Variants in FAM13A observed in about 807,000 individuals in gnomAD.
The protein encoded by FAM13A is protein FAM13A.
Under a neutral mutation model 129.6 loss-of-function variants are expected in FAM13A, and 76 were observed. That is an observed-to-expected ratio of 0.59 (90% CI 0.49 to 0.71). The LOEUF (loss-of-function observed/expected upper bound fraction) is 0.71, where lower values mean the gene tolerates loss of function less well. FAM13A is among the 30% of genes least tolerant of loss of function. The pLI is 0.00. For missense variants in FAM13A, 1,108 were observed against 1,249.3 expected, an observed-to-expected ratio of 0.89 and a Z score of 1.70; for synonymous variants, 443 against 449.9, an observed-to-expected ratio of 0.98 and a Z score of 0.20.
intron 2 of FAM13A, among the ~76,000 whole-genome samples, chr4:89,026,671 T>C (rs1768009316): frequency 1.3e-5 from 2 of 152,226 alleles, no homozygotes; most frequent in South Asian, 2.1e-4. Flanking sequence ...ATCAGATCTC[T>C]TGAGAACTCA....
intron 5 of FAM13A, among the ~76,000 whole-genome samples, chr4:88,912,000 G>A (rs562138899): frequency 5.9e-5 from 9 of 152,222 alleles, no homozygotes; most frequent in East Asian, 5.8e-4. Flanking sequence ...CTCAGCCTCC[G>A]TCTTACTCTT....
chr4:88,818,462 G>A (rs1480311370), intron 7 of FAM13A, among the ~76,000 whole-genome samples: 1 of 152,176 alleles, frequency 6.6e-6, no homozygotes, highest in African/African-American at 2.4e-5. Context: ...CCACTGGTTT[G>A]TACTGAATAG....
intron 19 of FAM13A, among the ~76,000 whole-genome samples, chr4:88,745,376 C>A (rs796922133): frequency 4.6e-5 from 7 of 152,130 alleles, no homozygotes; most frequent in Non-Finnish European, 8.8e-5. Context: ...AATCTGTTCC[C>A]AACTCAGAGC....
At chr4:89,028,663 C>A (rs2149127993) in intron 2 of FAM13A, among the ~76,000 whole-genome samples, 1 of 151,952 alleles carries the variant, frequency 6.6e-6, no homozygotes, top group South Asian at 2.1e-4. Flanking sequence ...TGCACTCTGG[C>A]CTGGGTAACA....
chr4:88,968,460 T>TGACCGA (rs1759632733), intron 4 of FAM13A, among the ~76,000 whole-genome samples: 1 of 151,922 alleles, frequency 6.6e-6, no homozygotes, highest in African/African-American at 2.4e-5. Context: ...TTCTTCGCTA[T>TGACCGA]GACCGAGAAT....
At chr4:88,731,841 T>A (rs1737881635) in intron 22 of FAM13A, 161 bp downstream of exon 22, 1 of 621,900 alleles carries the variant, frequency 1.6e-6, no homozygotes, top group South Asian at 2.5e-5. Flanking sequence ...CTGAAGCATA[T>A]AAAAAAAGAA....
At chr4:88,968,467 G>C (rs979744594) in intron 4 of FAM13A, among the ~76,000 whole-genome samples, 4 of 152,068 alleles carry the variant, frequency 2.6e-5, no homozygotes, top group Admixed American at 2.6e-4. Context: ...CTATGACCGA[G>C]AATCAGGAGG....
intron 8 of FAM13A, among the ~76,000 whole-genome samples, chr4:88,797,483 T>G (rs1413147429): frequency 6.6e-6 from 1 of 152,106 alleles, no homozygotes; most frequent in African/African-American, 2.4e-5. Context: ...CAGGTTGGTC[T>G]CAGACTCCTG....
At chr4:89,052,663 T>C (rs113530215) in intron 1 of FAM13A, among the ~76,000 whole-genome samples, 7,283 of 152,152 alleles carry the variant, frequency 0.048, 216 homozygotes, top group Non-Finnish European at 0.075. Context: ...ACATGGCTGA[T>C]ACATATTAAT....
At chr4:88,964,048 C>T (rs1759008989) in intron 4 of FAM13A, among the ~76,000 whole-genome samples, 1 of 152,194 alleles carries the variant, frequency 6.6e-6, no homozygotes, top group Non-Finnish European at 1.5e-5. Context: ...CTTCATTTAA[C>T]CCAAGCAAAA....
At chr4:88,784,181 C>T (rs888857073) in intron 10 of FAM13A, among the ~76,000 whole-genome samples, 2 of 152,158 alleles carry the variant, frequency 1.3e-5, no homozygotes, top group African/African-American at 2.4e-5. Context: ...TTTGCTTTTA[C>T]GTGCATCCAC....
At chr4:89,020,095 A>ATCAGAAAT (rs1245577639) in intron 3 of FAM13A, among the ~76,000 whole-genome samples, 4 of 152,210 alleles carry the variant, frequency 2.6e-5, no homozygotes, top group Non-Finnish European at 4.4e-5. Context: ...TGTTAATGGT[A>ATCAGAAAT]TCAGAAATTT....
Position 89,057,127 on chromosome 4 carries a change from A to G in FAM13A, c.-163T>C, listed in dbSNP as rs1772291466. On this transcript the variant is annotated 5_prime_UTR_variant, in exon 1 of 24. Coordinates refer to ENST00000264344, the MANE Select transcript of FAM13A (RefSeq NM_014883.4). ...AAGAGCAGCTTCTAACATTTTAGGA[A>G]GAGTGGTTTTGCTTCTCTTTCCGCT... is the stretch of plus-strand genomic sequence containing the variant. 16 of 1,445,206 alleles carry G rather than the reference A, an allele frequency of 1.1e-5. No homozygotes were observed. Among genetic ancestry groups the G allele is most frequent in the Non-Finnish European group, 1.5e-5 (16 of 1,101,238 alleles). The allele number at this position is 1,445,206 out of a possible 1,614,324, so 89.5% of individuals were successfully genotyped here.
rs76562164 is a variant in FAM13A, at chr4:88,845,481, C to T, written c.1007+5539G>A. 5.2e-3 allele frequency among the ~76,000 whole-genome samples: 793 copies of T among 151,996 alleles called. 5 individuals carry two copies. The highest frequency in any genetic ancestry group is 0.018 in the African/African-American group (749 of 41,430). Reference sequence around the variant, plus strand: ...CAGCCCAGGAAGGAGACTTTGAGGACGCTGCATTTTGGACAGAAGGGCGAG... The same window carrying T: ...CAGCCCAGGAAGGAGACTTTGAGGATGCTGCATTTTGGACAGAAGGGCGAG... On this transcript the variant is annotated intron_variant, in intron 7 of 23. Coordinates refer to ENST00000264344, the MANE Select transcript of FAM13A (RefSeq NM_014883.4).
chr4:88,957,852 T>G (rs1207975661), intron 4 of FAM13A, among the ~76,000 whole-genome samples: 1 of 152,224 alleles, frequency 6.6e-6, no homozygotes, highest in Non-Finnish European at 1.5e-5. Context: ...ACTCTGCTCA[T>G]GCTTTAGGGA....
chr4:89,021,595 T>C (rs978455523), intron 2 of FAM13A, among the ~76,000 whole-genome samples: 8 of 152,184 alleles, frequency 5.3e-5, no homozygotes, highest in African/African-American at 1.7e-4. Flanking sequence ...GGAAAGGGTC[T>C]GTGACAAGTT....
chr4:88,796,545 A>G (rs994492802), intron 8 of FAM13A, among the ~76,000 whole-genome samples: 3 of 152,072 alleles, frequency 2.0e-5, no homozygotes, highest in African/African-American at 7.2e-5. Context: ...AGTTATATGT[A>G]TAAGTCCTAT....
intron 6 of FAM13A, among the ~76,000 whole-genome samples, chr4:88,874,643 A>G (rs1054918081): frequency 6.6e-6 from 1 of 152,198 alleles, no homozygotes; most frequent in African/African-American, 2.4e-5. Context: ...ATAAAAGAAG[A>G]CACAAACAAA....
At chr4:88,892,912 A>C (rs913625140) in intron 6 of FAM13A, among the ~76,000 whole-genome samples, 11 of 152,228 alleles carry the variant, frequency 7.2e-5, no homozygotes, top group Non-Finnish European at 1.2e-4. Flanking sequence ...AATCTTTTAT[A>C]CATTAAAAGG....
Sources: gnomAD v4.1 joint callset for allele counts (sites outside exome capture counted in the v4.1 genomes callset) on GRCh38, gnomAD v4.1.1 for gene constraint, MANE v1.5 for transcripts, NCBI Gene and HGNC (gene_info 2026-07-23, HGNC 2026-07-21) for gene names.